The following NDE1 variants were observed in gnomAD, a reference collection of about 807,000 sequenced individuals.
The protein encoded by NDE1 is nuclear distribution protein nudE homolog 1.
In NDE1, 28 loss-of-function variants were observed where a neutral mutation model predicts 43.4. The observed-to-expected ratio is 0.65, with a 90% CI of 0.48 to 0.89. The LOEUF (loss-of-function observed/expected upper bound fraction) is 0.89. Among genes scored for constraint, NDE1 ranks in the 40% least tolerant of loss-of-function variants. NDE1 has a pLI of 0.00. For missense variants in NDE1, 441 were observed against 434.1 expected (o/e 1.02, Z -0.14); for synonymous variants, 184 against 172.0 (o/e 1.07, Z -0.55).
chr16:15,724,145 A>T, intron 8 of NDE1, 46 bp from the exon 9 acceptor site: 2 of 1,612,374 alleles, frequency 1.2e-6, no homozygotes, highest in East Asian at 4.5e-5. Flanking sequence ...AGTGGGGGAC[A>T]CCCCACGCCC....
chr16:15,643,671 C>T (rs1339189390), exon 1 of NDE1: 2 of 242,994 alleles, frequency 8.2e-6, no homozygotes, highest in African/African-American at 2.4e-5. Flanking sequence ...CTAGTGCAAC[C>T]TAGTGGCAAG....
At chr16:15,699,202 G>C (rs999549304) in intron 8 of NDE1, among the ~76,000 whole-genome samples, 10 of 151,290 alleles carry the variant, frequency 6.6e-5, no homozygotes, top group Non-Finnish European at 1.5e-4. Context: ...TTTTCCAGGC[G>C]ATCTTCCCAC....
At chr16:15,718,568 T>C in intron 8 of NDE1, 1 of 1,336,540 alleles carries the variant, frequency 7.5e-7, no homozygotes. Context: ...TGGAGAAGAT[T>C]AGAAGACTCA....
rs1379495774 is a variant in NDE1 at position 15,667,412 on chromosome 16, C to T, written c.210C>T (p.Arg70=). ...GAGACCTCCTGTCCGAAAATAACCG[C>T]CTTCGCATGGAGCTGGAAACCATCA... ...RNRDLLSENN[R]LRMELETIKE... is the part of the protein sequence containing the mutation. The change falls in exon 3 of 9, where the codon CGC becomes CGT. Residue 70 remains arginine (R), a synonymous_variant. Transcript: ENST00000396354. 3 of 1,613,726 alleles carry T rather than the reference C, an allele frequency of 1.9e-6. No homozygotes were observed. Among genetic ancestry groups the T allele is most frequent in the African/African-American group, 2.7e-5 (2 of 74,868 alleles).
chr16:15,674,070 G>A (rs528434713), intron 3 of NDE1, among the ~76,000 whole-genome samples: 5 of 152,232 alleles, frequency 3.3e-5, no homozygotes, highest in Non-Finnish European at 5.9e-5. Flanking sequence ...TTAGCCTGGA[G>A]GCCAGCACAG....
chr16:15,669,386 G>T (rs1173755864), intron 3 of NDE1, among the ~76,000 whole-genome samples: 1 of 137,480 alleles, frequency 7.3e-6, no homozygotes, highest in African/African-American at 2.8e-5. Context: ...TTTTTGAGAC[G>T]CAGTCTCACT....
At position 15,665,824 on chromosome 16, in the gene NDE1, T is replaced by G. The variant is rs1256440473; in HGVS notation, c.83+963T>G. Among the ~76,000 whole-genome samples the G allele has an allele frequency of 2.0e-5, 3 of 151,644 alleles. No homozygotes were observed. In the East Asian group the frequency reaches 5.8e-4, roughly 29 times the overall value. Reference sequence around the variant, plus strand: ...CAGGCTGTAGTGCAATGGCATGATCTCGGCTCACCACAAGCTCCACCTCCT... The same window carrying G: ...CAGGCTGTAGTGCAATGGCATGATCGCGGCTCACCACAAGCTCCACCTCCT... On this transcript the variant is annotated intron_variant, in intron 2 of 8. Transcript: ENST00000396354.
chr16:15,672,028 G>A (rs2037619891), intron 3 of NDE1, among the ~76,000 whole-genome samples: 1 of 152,020 alleles, frequency 6.6e-6, no homozygotes, highest in African/African-American at 2.4e-5. Context: ...GGGTTGAAAA[G>A]CTGGGTAGGA....
intron 5 of NDE1, among the ~76,000 whole-genome samples, chr16:15,689,550 G>A (rs1437064118): frequency 6.6e-6 from 1 of 152,064 alleles, no homozygotes; most frequent in African/African-American, 2.4e-5. Context: ...GTCATACACA[G>A]GACAACATAT....
intron 8 of NDE1, chr16:15,715,098 G>A (rs1336910512): frequency 1.2e-6 from 2 of 1,612,642 alleles, no homozygotes; most frequent in South Asian, 1.1e-5. Flanking sequence ...CGGAGAGTTG[G>A]AGGGGTGGTT....
intron 1 of NDE1, among the ~76,000 whole-genome samples, chr16:15,657,344 C>T (rs1387232063): frequency 6.6e-6 from 1 of 152,064 alleles, no homozygotes; most frequent in Non-Finnish European, 1.5e-5. Context: ...GGTGAACCAC[C>T]CGCCTTGGCT....
intron 3 of NDE1, among the ~76,000 whole-genome samples, chr16:15,668,103 C>T (rs1238430964): frequency 6.6e-6 from 1 of 151,938 alleles, no homozygotes; most frequent in East Asian, 1.9e-4. Context: ...GTGGTGCATA[C>T]CTGTAATCCC....
chr16:15,717,077 A>G (rs1200231789), intron 8 of NDE1: 3 of 1,556,984 alleles, frequency 1.9e-6, no homozygotes, highest in Non-Finnish European at 2.7e-6. Flanking sequence ...CCCTGACTTC[A>G]CTATGACTCC....
At chr16:15,700,752 CT>C (rs1192110195) in intron 8 of NDE1, among the ~76,000 whole-genome samples, 2 of 151,958 alleles carry the variant, frequency 1.3e-5, no homozygotes, top group African/African-American at 4.8e-5. Flanking sequence ...TGCCTGGCCC[CT>C]GATTGGTCTT....
chr16:15,716,610 G>A (rs2040162987), intron 8 of NDE1, among the ~76,000 whole-genome samples: 1 of 152,038 alleles, frequency 6.6e-6, no homozygotes, highest in African/African-American at 2.4e-5. Context: ...CAACCTCCAC[G>A]TGTCACGTTG....
intron 8 of NDE1, chr16:15,717,573 T>A: frequency 1.7e-6 from 1 of 596,930 alleles, no homozygotes; most frequent in Non-Finnish European, 3.0e-6. Context: ...GGCAGGTAAA[T>A]CACTTGAGCT....
Position 15,725,422 on chromosome 16 carries a change from G to T in NDE1, c.*1171G>T. 3 of 494,040 alleles carry T rather than the reference G, an allele frequency of 6.1e-6. No individual in the cohort carries two copies. The highest frequency in any genetic ancestry group is 1.1e-5 in the Non-Finnish European group (3 of 284,468). 30.6% of individuals were successfully genotyped at this position (494,040 alleles called of 1,614,324 possible). A position where few individuals can be genotyped will look rare whatever the true frequency, so the allele number is the denominator to read the frequency against. ...CAGGATGGTACTTGAACGTCCCAGG[G>T]ATGCTGTCCCATCCCTTCCTTCCTC... On this transcript the variant is annotated 3_prime_UTR_variant, in exon 9 of 9. Coordinates refer to ENST00000396354, the MANE Select transcript of NDE1 (RefSeq NM_017668.3).
intron 4 of NDE1, chr16:15,684,717 T>C (rs2038347990): frequency 6.6e-6 from 1 of 152,204 alleles, no homozygotes; most frequent in Admixed American, 6.6e-5. Context: ...ACGAATCTAA[T>C]AATTTTTTCC....
intron 8 of NDE1, chr16:15,714,829 G>A (rs2040026319): frequency 1.9e-6 from 3 of 1,555,358 alleles, no homozygotes; most frequent in East Asian, 2.2e-5. Context: ...AGGGGCATTT[G>A]CAGGCCGAAA....
Sources: allele counts gnomAD v4.1 joint callset (sites outside exome capture counted in the v4.1 genomes callset), GRCh38; gene constraint gnomAD v4.1.1; transcripts MANE v1.5; gene names NCBI Gene and HGNC (gene_info 2026-07-23, HGNC 2026-07-21).